The following MAST2 variants were observed in gnomAD, a reference collection of about 807,000 sequenced individuals.
MAST2 encodes microtubule associated serine/threonine kinase 2, also known as microtubule-associated serine/threonine-protein kinase 2.
MAST2 carries 70 observed loss-of-function variants against 147.4 expected under a neutral mutation model. The observed-to-expected ratio is 0.47, with a 90% CI of 0.39 to 0.58. The LOEUF is 0.58. MAST2 is among the 20% of genes least tolerant of loss of function. The pLI is 0.00. For synonymous variants in MAST2, 869 were observed against 896.8 expected, an observed-to-expected ratio of 0.97 and a Z score of 0.55; for missense variants, 2,080 against 2,302.3, an observed-to-expected ratio of 0.90 and a Z score of 1.98.
intron 1 of MAST2, among the ~76,000 whole-genome samples, chr1:45,814,051 C>G (rs1312976765): frequency 6.6e-6 from 1 of 152,170 alleles, no homozygotes; most frequent in Non-Finnish European, 1.5e-5. Flanking sequence ...ATGGTAATGC[C>G]TGTGTAAAAC....
Position 46,021,292 on chromosome 1 carries a change from A to T in MAST2, c.1291-658A>T, listed in dbSNP as rs1646169747. On this transcript the variant is annotated intron_variant, in intron 11 of 28. Coordinates refer to ENST00000361297, the MANE Select transcript of MAST2 (RefSeq NM_015112.3). Reference sequence around the variant, plus strand: ...CTCAGGAACATGAAGTCCTTGGCTAAGCAGGGGCTTGGAGTCAGACCTGGG... The same window carrying T: ...CTCAGGAACATGAAGTCCTTGGCTATGCAGGGGCTTGGAGTCAGACCTGGG... Among the ~76,000 whole-genome samples, 3 of 152,230 alleles carry T rather than the reference A, an allele frequency of 2.0e-5. No individual in the cohort carries two copies. The South Asian group carries it at 6.2e-4, about 32-fold the overall frequency.
chr1:46,031,615 T>C lies in MAST2; in HGVS notation c.3187+30T>C. ...GGCCCCTGGGGAGCTGGGATAAAAC[T>C]CACAGGAAGGGCCTTGTAATCTCTA... On this transcript the variant is annotated intron_variant, in intron 24 of 28. Coordinates refer to ENST00000361297, the MANE Select transcript of MAST2 (RefSeq NM_015112.3). This position sits in a 1 kb window ranked among gnomAD's most constrained non-coding sequence, Gnocchi z 4.1. 6.3e-7 allele frequency: 1 copy of C among 1,594,152 alleles called. No homozygotes were observed. Among genetic ancestry groups the C allele is most frequent in the East Asian group, 2.3e-5 (1 of 44,382 alleles).
rs1346765412 is a variant in MAST2, at chr1:46,034,063, A to T, written c.3675-10A>T. On this transcript the variant is annotated splice_polypyrimidine_tract_variant and intron_variant, in intron 27 of 28. Coordinates refer to ENST00000361297, the MANE Select transcript of MAST2 (RefSeq NM_015112.3). ...TGCACCGACTCAGCCTTTGACCCTT[A>T]TCCCCGCAGCAGAAAAAGGAGCTCC... The T allele has an allele frequency of 2.5e-6, 4 of 1,611,582 alleles. No homozygotes were observed. Among genetic ancestry groups the T allele is most frequent in the Non-Finnish European group, 3.4e-6 (4 of 1,178,742 alleles).
chr1:45,874,354 T>C (rs2148206811), intron 3 of MAST2, among the ~76,000 whole-genome samples: 1 of 152,276 alleles, frequency 6.6e-6, no homozygotes, highest in East Asian at 1.9e-4. Context: ...ATAATGTTCC[T>C]TTTAAGACTA....
intron 4 of MAST2, among the ~76,000 whole-genome samples, chr1:45,889,462 C>T (rs1326642184): frequency 1.3e-5 from 2 of 152,170 alleles, no homozygotes; most frequent in Non-Finnish European, 2.9e-5. Flanking sequence ...GCTGAGATTA[C>T]AGGTGTGAGC....
chr1:45,948,079 G>C (rs1658347056), intron 4 of MAST2, among the ~76,000 whole-genome samples: 1 of 152,180 alleles, frequency 6.6e-6, no homozygotes. Context: ...TCAATCACTA[G>C]CAGAAAGCAC....
In MAST2 at chr1:45,811,502, C is replaced by T. The variant is rs531337308; in HGVS notation, c.177+7430C>T. On this transcript the variant is annotated intron_variant, in intron 1 of 28. Transcript: ENST00000361297. ...TACAGGCGCCCACCACCACGCTCGG[C>T]TAATTTTTTTGTATTTTTAGTAGAG... Among the ~76,000 whole-genome samples the T allele has an allele frequency of 1.5e-4, 22 of 151,294 alleles. No homozygotes were observed. In the East Asian group the frequency reaches 4.1e-3, roughly 28 times the overall value.
At chr1:45,891,357 T>TGTG (rs1647745719) in intron 4 of MAST2, among the ~76,000 whole-genome samples, 1 of 152,000 alleles carries the variant, frequency 6.6e-6, no homozygotes, top group Admixed American at 6.6e-5. Flanking sequence ...ATTAGCCAGG[T>TGTG]GTGGTGGTGA....
At chr1:45,969,554 C>G (rs972754556) in intron 5 of MAST2, among the ~76,000 whole-genome samples, 1 of 152,018 alleles carries the variant, frequency 6.6e-6, no homozygotes, top group Non-Finnish European at 1.5e-5. Flanking sequence ...ACCATGAACC[C>G]TGTTGTGAAC....
At chr1:45,934,868 G>C (rs1162283373) in intron 4 of MAST2, among the ~76,000 whole-genome samples, 1 of 152,216 alleles carries the variant, frequency 6.6e-6, no homozygotes, top group African/African-American at 2.4e-5. Context: ...ACATGTGAGT[G>C]CATATGTCTT....
At chr1:45,882,702 G>C (rs146393815) in intron 4 of MAST2, among the ~76,000 whole-genome samples, 1 of 152,256 alleles carries the variant, frequency 6.6e-6, no homozygotes, top group Non-Finnish European at 1.5e-5. Flanking sequence ...CTGAGTTTTC[G>C]TAGACTCAAG....
intron 11 of MAST2, 99 bp downstream of exon 11, chr1:46,019,796 TTC>T: frequency 9.9e-7 from 1 of 1,006,476 alleles, no homozygotes; most frequent in African/African-American, 1.6e-5. Context: ...CCACTGCCAT[TTC>T]TGTTGCTTAG....
chr1:45,999,519 A>T (rs1645189148), intron 6 of MAST2, among the ~76,000 whole-genome samples: 1 of 152,126 alleles, frequency 6.6e-6, no homozygotes, highest in South Asian at 2.1e-4. Flanking sequence ...ATATTTGCTG[A>T]GCACCACCAA....
At chr1:45,996,974 G>C (rs1645081288) in intron 5 of MAST2, among the ~76,000 whole-genome samples, 1 of 152,166 alleles carries the variant, frequency 6.6e-6, no homozygotes. Flanking sequence ...CTTTTGAGTA[G>C]AGTCATATTA....
chr1:45,808,176 TTC>T (rs755027905), intron 1 of MAST2, among the ~76,000 whole-genome samples: 15 of 152,358 alleles, frequency 9.8e-5, no homozygotes, highest in African/African-American at 1.9e-4. Flanking sequence ...TGAAATGTGC[TTC>T]TCTCTGTATC....
chr1:45,915,676 C>T (rs932811925), intron 4 of MAST2, among the ~76,000 whole-genome samples: 10 of 148,112 alleles, frequency 6.8e-5, no homozygotes, highest in Admixed American at 3.4e-4. Context: ...CGCCACTGTA[C>T]TCCAGCCTGG....
In MAST2 at chr1:46,034,095, C is replaced by G. The variant is rs200023429; in HGVS notation, c.3697C>G (p.Arg1233Gly). ...QESRKRSSLFRKITKQASLLH... is the reference protein window; with the variant it reads ...QESRKRSSLFGKITKQASLLH... ...CAGCAGAAAAAGGAGCTCCCTGTTC[C>G]GCAAGATCACCAAGCAAGCATCCCT... Residue 1233 changes from arginine to glycine, a missense_variant, in exon 28 of 29, where the codon CGC (arginine) becomes GGC (glycine). Physicochemically the swap from Arg to Gly is moderately radical, Grantham distance 125. This residue lies in a region of MAST2 where 1,278 missense variants were observed against 1,304.2 expected (regional missense o/e 0.98). Coordinates refer to ENST00000361297, the MANE Select transcript of MAST2 (RefSeq NM_015112.3). The G allele has an allele frequency of 6.2e-7, 1 of 1,613,614 alleles. No homozygotes were observed. Among genetic ancestry groups the G allele is most frequent in the Non-Finnish European group, 8.5e-7 (1 of 1,179,734 alleles).
At chr1:45,921,202 G>C (rs1653414384) in intron 4 of MAST2, among the ~76,000 whole-genome samples, 1 of 152,110 alleles carries the variant, frequency 6.6e-6, no homozygotes, top group African/African-American at 2.4e-5. Context: ...CACCACGTTG[G>C]TCAGGCTGGT....
intron 5 of MAST2, among the ~76,000 whole-genome samples, chr1:45,971,352 G>A (rs998282956): frequency 6.6e-6 from 1 of 152,208 alleles, no homozygotes; most frequent in Non-Finnish European, 1.5e-5. Context: ...TGAGCACTTT[G>A]TGTCCTCAGG....
Sources: gnomAD v4.1 joint callset for allele counts (sites outside exome capture counted in the v4.1 genomes callset) on GRCh38, gnomAD v4.1.1 for gene constraint, gnomAD v4.1.1 regional missense constraint, Gnocchi (gnomAD v3.1) non-coding constraint, MANE v1.5 for transcripts, NCBI Gene and HGNC (gene_info 2026-07-23, HGNC 2026-07-21) for gene names.